Variants in ARID3B observed in about 807,000 individuals in gnomAD.
The protein encoded by ARID3B is AT-rich interactive domain-containing protein 3B.
A neutral mutation model predicts 51.9 loss-of-function variants in ARID3B; 10 were observed. That is an observed-to-expected ratio of 0.19 (90% confidence interval 0.12 to 0.33). ARID3B has a LOEUF of 0.33. Among genes scored for constraint, ARID3B ranks in the 10% least tolerant of loss-of-function variants. The pLI, the probability that ARID3B is intolerant of heterozygous loss-of-function variation, is 1.00. For missense variants in ARID3B, 483 were observed against 716.3 expected (o/e 0.67, Z 3.72); for synonymous variants, 205 against 279.5 (o/e 0.73, Z 2.66).
chr15:74,562,435 C>G (rs1428765351), intron 2 of ARID3B, among the ~76,000 whole-genome samples: 1 of 152,190 alleles, frequency 6.6e-6, no homozygotes, highest in African/African-American at 2.4e-5. Flanking sequence ...GCCACCATGC[C>G]CAGTCCAATA....
At chr15:74,569,316 C>T (rs749822954) in intron 2 of ARID3B, among the ~76,000 whole-genome samples, 2 of 152,128 alleles carry the variant, frequency 1.3e-5, no homozygotes, top group African/African-American at 4.8e-5. Flanking sequence ...TGTCTTTTAG[C>T]AGATATATCG....
chr15:74,557,814 T>C lies in ARID3B; in HGVS notation c.552+13326T>C, dbSNP rs983873320. Among the ~76,000 whole-genome samples the C allele has an allele frequency of 2.6e-4, 39 of 147,892 alleles. 2 individuals carry two copies. ...TAATTACAGTATTCTAGGTTTCGAC[T>C]TACTTTTTTTTTTTTTTTTTTTTTT... On this transcript the variant is annotated intron_variant, in intron 2 of 8. Coordinates refer to ENST00000346246, the MANE Select transcript of ARID3B (RefSeq NM_006465.4).
intron 8 of ARID3B, among the ~76,000 whole-genome samples, chr15:74,593,442 G>A (rs1183461284): frequency 1.3e-5 from 2 of 152,196 alleles, no homozygotes; most frequent in African/African-American, 4.8e-5. Flanking sequence ...TCCCACTTTG[G>A]CAGAAACCCT....
chr15:74,542,110 G>A (rs535837571), intron 1 of ARID3B, among the ~76,000 whole-genome samples: 19 of 152,234 alleles, frequency 1.2e-4, no homozygotes, highest in Non-Finnish European at 2.6e-4. Context: ...AGAAGCAGTT[G>A]TTCAGTGACT....
intron 8 of ARID3B, 151 bp from the exon 9 acceptor site, chr15:74,595,460 C>CA: frequency 1.2e-6 from 1 of 837,958 alleles, no homozygotes; most frequent in East Asian, 2.9e-5. Context: ...CAAGGCAGGA[C>CA]AGCATTTGGA....
At chr15:74,560,595 AAT>A (rs2061676303) in intron 2 of ARID3B, among the ~76,000 whole-genome samples, 2 of 152,232 alleles carry the variant, frequency 1.3e-5, no homozygotes, top group African/African-American at 4.8e-5. Context: ...AAATTAAAAC[AAT>A]ATGGAAAAAT....
At chr15:74,567,886 C>T (rs1327588441) in intron 2 of ARID3B, among the ~76,000 whole-genome samples, 2 of 152,182 alleles carry the variant, frequency 1.3e-5, no homozygotes, top group Non-Finnish European at 2.9e-5. Context: ...GGTTGAGATG[C>T]TGGAGAAGCA....
At chr15:74,576,028 C>T (rs1244821156) in intron 4 of ARID3B, among the ~76,000 whole-genome samples, 2 of 152,190 alleles carry the variant, frequency 1.3e-5, no homozygotes, top group Non-Finnish European at 2.9e-5. Context: ...TCCTGAGTAG[C>T]TGGGACTATA....
chr15:74,595,938 T>C lies in ARID3B; in HGVS notation c.*164T>C, dbSNP rs1339853046. ...TGTCCAGGCTCCATTCAGGTCCTGCTGTACTCTGGGGGCAGGGAGAGGCTA... is the reference window on the plus strand; with the variant it reads ...TGTCCAGGCTCCATTCAGGTCCTGCCGTACTCTGGGGGCAGGGAGAGGCTA... On this transcript the variant is annotated 3_prime_UTR_variant, in exon 9 of 9. Transcript: ENST00000346246. 13 of 808,044 alleles carry C rather than the reference T, an allele frequency of 1.6e-5. No individual in the cohort carries two copies. The highest frequency in any genetic ancestry group is 2.4e-5 in the Non-Finnish European group (13 of 532,514). 50.1% of individuals were successfully genotyped at this position (808,044 alleles called of 1,614,324 possible). A position where few individuals can be genotyped will look rare whatever the true frequency, so the allele number is the denominator to read the frequency against.
chr15:74,571,282 A>G (rs1008590173), intron 2 of ARID3B, among the ~76,000 whole-genome samples: 1 of 152,220 alleles, frequency 6.6e-6, no homozygotes, highest in African/African-American at 2.4e-5. Flanking sequence ...CCAAGCTTTT[A>G]TTTCGTTGAC....
At chr15:74,543,039 A>G (rs1014400157) in intron 1 of ARID3B, among the ~76,000 whole-genome samples, 3 of 152,234 alleles carry the variant, frequency 2.0e-5, no homozygotes, top group African/African-American at 7.2e-5. Context: ...CGCTGTTTAT[A>G]AAAAAGAAGC....
chr15:74,577,594 C>T (rs573032901), intron 4 of ARID3B, among the ~76,000 whole-genome samples: 4 of 152,284 alleles, frequency 2.6e-5, no homozygotes, highest in South Asian at 4.1e-4. Context: ...AATCATGGCT[C>T]ATCGCACCCT....
intron 4 of ARID3B, among the ~76,000 whole-genome samples, chr15:74,584,364 C>T (rs753832291): frequency 6.6e-6 from 1 of 152,244 alleles, no homozygotes; most frequent in Non-Finnish European, 1.5e-5. Context: ...CTGCTTAACA[C>T]AGGTCTTAAC....
At chr15:74,563,128 C>G (rs1316530180) in intron 2 of ARID3B, among the ~76,000 whole-genome samples, 2 of 152,246 alleles carry the variant, frequency 1.3e-5, no homozygotes, top group African/African-American at 4.8e-5. Flanking sequence ...CTGTCAGGCC[C>G]TGTGCTTGAT....
rs1336160616 is a variant in ARID3B at position 74,591,937 on chromosome 15, G to A, written c.1420+123G>A. 7 of 1,457,394 alleles carry A rather than the reference G, an allele frequency of 4.8e-6. No homozygotes were observed. Among genetic ancestry groups the A allele is most frequent in the Non-Finnish European group, 6.4e-6 (7 of 1,088,308 alleles). 90.3% of individuals were successfully genotyped at this position (1,457,394 alleles called of 1,614,324 possible). A position where few individuals can be genotyped will look rare whatever the true frequency, so the allele number is the denominator to read the frequency against. On this transcript the variant is annotated intron_variant, in intron 7 of 8. Coordinates refer to ENST00000346246, the MANE Select transcript of ARID3B (RefSeq NM_006465.4). The surrounding 1 kb of genome is among the most constrained non-coding windows in gnomAD (Gnocchi z 5.8). ...CCTGACCTGGAAGAGGCCCCTCCAG[G>A]TTCTGCCTTCCAGGCCCCTAGAAGA...
rs375626686 is a variant in ARID3B at position 74,591,146 on chromosome 15, T to C, written c.882-5T>C. ...TATTCTCCCTGCTTGCTTCCTTTCC[T>C]CCAGGTACATGAAGTATCTGTATGC... On this transcript the variant is annotated splice_region_variant and splice_polypyrimidine_tract_variant and intron_variant, in intron 5 of 8. Coordinates refer to ENST00000346246, the MANE Select transcript of ARID3B (RefSeq NM_006465.4). The surrounding 1 kb of genome is among the most constrained non-coding windows in gnomAD (Gnocchi z 5.8). 2 of 1,585,834 alleles carry C rather than the reference T, an allele frequency of 1.3e-6. No individual in the cohort carries two copies. The highest frequency in any genetic ancestry group is 1.3e-5 in the African/African-American group (1 of 74,094).
At chr15:74,551,940 T>A (rs1415571421) in intron 2 of ARID3B, among the ~76,000 whole-genome samples, 1 of 152,116 alleles carries the variant, frequency 6.6e-6, no homozygotes, top group Non-Finnish European at 1.5e-5. Context: ...CTCATTGATT[T>A]CTCAGCATTA....
At chr15:74,588,173 G>C (rs1395152415) in intron 4 of ARID3B, among the ~76,000 whole-genome samples, 6 of 151,696 alleles carry the variant, frequency 4.0e-5, no homozygotes, top group African/African-American at 1.5e-4. Flanking sequence ...GGTTAAGTCT[G>C]CAATAAGTCA....
intron 2 of ARID3B, among the ~76,000 whole-genome samples, chr15:74,544,712 A>G (rs1390511774): frequency 7.2e-6 from 1 of 139,444 alleles, no homozygotes; most frequent in Non-Finnish European, 1.5e-5. Flanking sequence ...TTTTTTTGAC[A>G]TGGAGTCTCA....
Sources: gnomAD v4.1 joint callset for allele counts (sites outside exome capture counted in the v4.1 genomes callset) on GRCh38, gnomAD v4.1.1 for gene constraint, Gnocchi (gnomAD v3.1) non-coding constraint, MANE v1.5 for transcripts, NCBI Gene and HGNC (gene_info 2026-07-23, HGNC 2026-07-21) for gene names.